HS2ST1: variants seen among roughly 807,000 people sequenced by gnomAD.
HS2ST1 encodes the protein heparan sulfate 2-O-sulfotransferase 1.
A neutral mutation model predicts 42.9 loss-of-function variants in HS2ST1; 18 were observed. The ratio of observed to expected loss-of-function variants is 0.42; its 90% CI spans 0.29 to 0.62. HS2ST1 has a LOEUF of 0.62. Ranked by LOEUF, HS2ST1 falls within the 20% of genes least tolerant of loss-of-function variation. The probability of loss-of-function intolerance (pLI) is 0.21; values close to 1 mark genes in which losing one functional copy is unlikely to be tolerated. For missense variants in HS2ST1, 334 were observed against 433.8 expected, an observed-to-expected ratio of 0.77 and a Z score of 2.04; for synonymous variants, 146 against 152.9, an observed-to-expected ratio of 0.95 and a Z score of 0.33.
chr1:87,098,107 T>G (rs1652113846), intron 5 of HS2ST1, 172 bp downstream of exon 5: 1 of 1,391,218 alleles, frequency 7.2e-7, no homozygotes, highest in African/African-American at 1.5e-5. Context: ...TTTAAAAGAT[T>G]CCTCATGTAG....
intron 1 of HS2ST1, chr1:86,958,559 T>C (rs999208453): frequency 3.3e-5 from 5 of 152,200 alleles, no homozygotes; most frequent in African/African-American, 1.2e-4. Flanking sequence ...TCAACTACAG[T>C]GTTATTTTGT....
In HS2ST1 at chr1:87,104,779, T is replaced by C. The variant is rs1425135977; in HGVS notation, c.*83T>C. 7 of 790,934 alleles carry C rather than the reference T, an allele frequency of 8.9e-6. No individual in the cohort carries two copies. The East Asian group carries it at 1.8e-4, about 21-fold the overall frequency. 49.0% of individuals were successfully genotyped at this position (790,934 alleles called of 1,614,324 possible). ...TTCTCAGCTCCACAGTCTGGATTGCTGACAGTAGGTGTATATGACAATTTG... is the reference window on the plus strand; with the variant it reads ...TTCTCAGCTCCACAGTCTGGATTGCCGACAGTAGGTGTATATGACAATTTG... On this transcript the variant is annotated 3_prime_UTR_variant, in exon 7 of 7. Transcript: ENST00000370550.
chr1:87,047,786 C>G (rs1161967227), intron 1 of HS2ST1, among the ~76,000 whole-genome samples: 2 of 152,160 alleles, frequency 1.3e-5, no homozygotes, highest in African/African-American at 4.8e-5. Context: ...TCTGGATTCA[C>G]TATTCTGTTC....
chr1:86,977,007 A>C (rs1036362646), intron 1 of HS2ST1, among the ~76,000 whole-genome samples: 4 of 151,820 alleles, frequency 2.6e-5, no homozygotes, highest in African/African-American at 9.7e-5. Context: ...CTATGTTCAC[A>C]CCACTGTGTT....
rs1418162076 is a variant in HS2ST1 at position 87,106,721 on chromosome 1, T to A, written c.*2025T>A. The A allele has an allele frequency of 1.3e-5, 2 of 152,060 alleles. No individual in the cohort carries two copies. Among genetic ancestry groups the A allele is most frequent in the African/African-American group, 4.8e-5 (2 of 41,430 alleles). The allele number at this position is 152,060 out of a possible 1,614,324, so 9.4% of individuals were successfully genotyped here. A position where few individuals can be genotyped will look rare whatever the true frequency, so the allele number is the denominator to read the frequency against. On this transcript the variant is annotated 3_prime_UTR_variant, in exon 7 of 7. Transcript: ENST00000370550. ...TTTCCTTTTTTCAAATTGACTTTTA[T>A]AGGTATTTCCTGAAAGTGTATACAA...
intron 1 of HS2ST1, among the ~76,000 whole-genome samples, chr1:86,923,081 C>A (rs1378850987): frequency 6.6e-6 from 1 of 152,152 alleles, no homozygotes; most frequent in Non-Finnish European, 1.5e-5. Context: ...ATTCACCAAT[C>A]CTTCTGCAGT....
chr1:86,995,983 G>T (rs1207125078), intron 1 of HS2ST1, among the ~76,000 whole-genome samples: 1 of 152,102 alleles, frequency 6.6e-6, no homozygotes, highest in African/African-American at 2.4e-5. Context: ...AAATTACCTA[G>T]ATCAACATAT....
At chr1:86,920,803 A>G (rs187586871) in intron 1 of HS2ST1, among the ~76,000 whole-genome samples, 2 of 152,290 alleles carry the variant, frequency 1.3e-5, no homozygotes, top group East Asian at 1.9e-4. Flanking sequence ...CTGCCTGTTA[A>G]CAATAGATGG....
chr1:86,915,590 G>A (rs1450813536), intron 1 of HS2ST1, among the ~76,000 whole-genome samples: 3 of 152,194 alleles, frequency 2.0e-5, no homozygotes, highest in Non-Finnish European at 4.4e-5. Context: ...ATGGGCATCT[G>A]GATACGAATT....
intron 1 of HS2ST1, among the ~76,000 whole-genome samples, chr1:86,918,666 A>T (rs945718673): frequency 2.0e-5 from 3 of 152,038 alleles, no homozygotes; most frequent in African/African-American, 4.8e-5. Context: ...TAACAGATTT[A>T]AAAATCTACT....
chr1:87,070,798 T>C (rs1265889988), intron 1 of HS2ST1, among the ~76,000 whole-genome samples: 1 of 152,184 alleles, frequency 6.6e-6, no homozygotes, highest in African/African-American at 2.4e-5. Context: ...TCTTAGTTTA[T>C]TTTATGGATT....
At chr1:86,935,158 A>C (rs1334904188) in intron 1 of HS2ST1, among the ~76,000 whole-genome samples, 1 of 151,806 alleles carries the variant, frequency 6.6e-6, no homozygotes, top group Non-Finnish European at 1.5e-5. Context: ...TGATTATGCT[A>C]CTTTGTCTAA....
rs534842181 is a variant in HS2ST1, at chr1:86,992,074, T to C, written c.124+76914T>C. On this transcript the variant is annotated intron_variant, in intron 1 of 6. Coordinates refer to ENST00000370550, the MANE Select transcript of HS2ST1 (RefSeq NM_012262.4). ...TTCTCACAGGAGCTGTTAACCCTAT[T>C]GTGAACTGCGCATCTAAGGGATCTA... Among the ~76,000 whole-genome samples, 6 of 152,104 alleles carry C rather than the reference T, an allele frequency of 3.9e-5. No individual in the cohort carries two copies. The East Asian group carries it at 1.2e-3, about 30-fold the overall frequency.
intron 1 of HS2ST1, among the ~76,000 whole-genome samples, chr1:86,956,333 C>T (rs1364861411): frequency 1.3e-5 from 2 of 152,192 alleles, no homozygotes; most frequent in Non-Finnish European, 2.9e-5. Flanking sequence ...AACCTGCAGG[C>T]AAAGCCAGGA....
At chr1:87,055,499 G>A (rs1650940676) in intron 1 of HS2ST1, among the ~76,000 whole-genome samples, 1 of 152,028 alleles carries the variant, frequency 6.6e-6, no homozygotes, top group Non-Finnish European at 1.5e-5. Context: ...ATGTCTTCAG[G>A]CCATTGATAC....
At chr1:87,072,644 T>TA (rs986758794) in intron 1 of HS2ST1, among the ~76,000 whole-genome samples, 3 of 152,206 alleles carry the variant, frequency 2.0e-5, no homozygotes, top group Admixed American at 6.5e-5. Context: ...ACATATGTAT[T>TA]ATCCTTCATA....
chr1:86,949,604 T>G lies in HS2ST1; in HGVS notation c.124+34444T>G, dbSNP rs79596266. Among the ~76,000 whole-genome samples the G allele has an allele frequency of 3.9e-3, 593 of 152,304 alleles. 3 individuals carry two copies. Among genetic ancestry groups the G allele is most frequent in the African/African-American group, 0.014 (575 of 41,570 alleles). On this transcript the variant is annotated intron_variant, in intron 1 of 6. Coordinates refer to ENST00000370550, the MANE Select transcript of HS2ST1 (RefSeq NM_012262.4). ...AAAAAAAGATTCTCTAAGCTTACCC[T>G]GTCCGATACAGTAGCTACTAGCTGT... is the stretch of plus-strand genomic sequence containing the variant.
intron 1 of HS2ST1, among the ~76,000 whole-genome samples, chr1:87,040,875 A>G (rs141726277): frequency 2.6e-5 from 4 of 152,280 alleles, no homozygotes; most frequent in African/African-American, 9.6e-5. Context: ...AGAATTAGTT[A>G]GCTCTTCAAG....
rs115855273 is a variant in HS2ST1, at chr1:87,055,699, T to C, written c.125-17235T>C. ...AAATAGTTCACAATCATTTTCATAA[T>C]AATTCTAAGATGTTAGTTGCCTTTT... On this transcript the variant is annotated intron_variant, in intron 1 of 6. Coordinates refer to ENST00000370550, the MANE Select transcript of HS2ST1 (RefSeq NM_012262.4). Among the ~76,000 whole-genome samples the C allele has an allele frequency of 3.1e-3, 471 of 152,322 alleles. 1 individual carries two copies. The highest frequency in any genetic ancestry group is 0.011 in the African/African-American group (457 of 41,576).
Sources: allele counts gnomAD v4.1 joint callset (sites outside exome capture counted in the v4.1 genomes callset), GRCh38; gene constraint gnomAD v4.1.1; transcripts MANE v1.5; gene names NCBI Gene and HGNC (gene_info 2026-07-23, HGNC 2026-07-21).